PHIP: variants seen among roughly 807,000 people sequenced by gnomAD.
The protein encoded by PHIP is PHIP subunit of CUL4-Ring ligase complex, also known as PH-interacting protein.
PHIP carries 54 observed loss-of-function variants against 236.8 expected under a neutral mutation model. The ratio of observed to expected loss-of-function variants is 0.23; its 90% CI spans 0.18 to 0.29. The LOEUF (loss-of-function observed/expected upper bound fraction) is 0.29. Among genes scored for constraint, PHIP ranks in the 10% least tolerant of loss-of-function variants. PHIP has a pLI of 1.00. For synonymous variants in PHIP, 756 were observed against 718.9 expected (o/e 1.05, Z -0.83); for missense variants, 1,370 against 2,190.8 (o/e 0.63, Z 7.48).
intron 35 of PHIP, among the ~76,000 whole-genome samples, chr6:78,951,351 T>C (rs1252188461): frequency 6.6e-6 from 1 of 152,202 alleles, no homozygotes; most frequent in Non-Finnish European, 1.5e-5. Flanking sequence ...CGTTGTAGAA[T>C]ATTAAGCCCA....
intron 6 of PHIP, among the ~76,000 whole-genome samples, chr6:79,052,952 T>TAC (rs1772871874): frequency 6.6e-6 from 1 of 152,282 alleles, no homozygotes; most frequent in East Asian, 1.9e-4. Flanking sequence ...GGTACATGCA[T>TAC]ACATATACAC....
chr6:79,051,484 C>T (rs1237027985), intron 6 of PHIP, among the ~76,000 whole-genome samples: 1 of 152,168 alleles, frequency 6.6e-6, no homozygotes, highest in Non-Finnish European at 1.5e-5. Flanking sequence ...AATACTATAA[C>T]TAAAATAATC....
intron 15 of PHIP, among the ~76,000 whole-genome samples, chr6:79,005,889 G>A (rs1770264327): frequency 6.6e-6 from 1 of 151,926 alleles, no homozygotes; most frequent in African/African-American, 2.4e-5. Flanking sequence ...CACATTTACA[G>A]TTAGTAGATC....
At chr6:79,059,616 T>TATATATATATATATAA in intron 6 of PHIP, among the ~76,000 whole-genome samples, 1 of 119,014 alleles carries the variant, frequency 8.4e-6, no homozygotes, top group Non-Finnish European at 1.8e-5. Context: ...TATATATATA[T>TATATATATATATATAA]ATATATATAA....
At chr6:79,058,238 G>T (rs1773172872) in intron 6 of PHIP, among the ~76,000 whole-genome samples, 1 of 151,880 alleles carries the variant, frequency 6.6e-6, no homozygotes, top group South Asian at 2.1e-4. Flanking sequence ...TCTATGCTTG[G>T]ATGCAAAACC....
intron 15 of PHIP, among the ~76,000 whole-genome samples, chr6:79,010,437 G>T (rs1046848367): frequency 4.0e-5 from 6 of 151,426 alleles, no homozygotes; most frequent in Non-Finnish European, 7.4e-5. Flanking sequence ...AAGGTTAAGA[G>T]AACAATTATA....
At chr6:78,963,046 T>C (rs551711290) in intron 30 of PHIP, 51 bp downstream of exon 30, 1 of 1,494,398 alleles carries the variant, frequency 6.7e-7, no homozygotes, top group East Asian at 2.4e-5. Flanking sequence ...TATTTTTCCA[T>C]TACTTTGTGT....
At chr6:78,977,241 T>C (rs571211083) in intron 24 of PHIP, among the ~76,000 whole-genome samples, 101 of 150,836 alleles carry the variant, frequency 6.7e-4, no homozygotes, top group African/African-American at 2.2e-3. Context: ...ATGGATGAAA[T>C]TGGAAACCAT....
At chr6:79,009,588 C>T (rs1241103562) in intron 15 of PHIP, among the ~76,000 whole-genome samples, 19 of 152,030 alleles carry the variant, frequency 1.2e-4, no homozygotes, top group Admixed American at 1.2e-3. Context: ...AAGACCACGT[C>T]TTATTCTCCC....
Position 79,057,714 on chromosome 6 carries a change from T to C in PHIP, c.439+2764A>G, listed in dbSNP as rs78959955. Among the ~76,000 whole-genome samples, 1,337 of 152,096 alleles carry C rather than the reference T, an allele frequency of 8.8e-3. 21 individuals carry two copies. The highest frequency in any genetic ancestry group is 0.029 in the African/African-American group (1,210 of 41,502). ...CTTTTAAAGGTAGCCAGACAGAAAA[T>C]GGCAAAGACTCAACAAAAGAAGAAA... On this transcript the variant is annotated intron_variant, in intron 6 of 39. Transcript: ENST00000275034.
chr6:78,975,634 C>T (rs1202729129), intron 24 of PHIP, among the ~76,000 whole-genome samples: 3 of 152,172 alleles, frequency 2.0e-5, no homozygotes, highest in African/African-American at 4.8e-5. Flanking sequence ...CCCACTGTCT[C>T]AGCCCAAAAT....
intron 4 of PHIP, among the ~76,000 whole-genome samples, chr6:79,066,411 G>A (rs1481615525): frequency 6.6e-6 from 1 of 152,054 alleles, no homozygotes; most frequent in Non-Finnish European, 1.5e-5. Context: ...AAAAGATATT[G>A]AGACCTTCCC....
chr6:79,045,383 TGA>T (rs1772431396), intron 6 of PHIP, among the ~76,000 whole-genome samples: 1 of 152,178 alleles, frequency 6.6e-6, no homozygotes, highest in Non-Finnish European at 1.5e-5. Flanking sequence ...GATAGAAGGA[TGA>T]GCTAGGACTC....
At chr6:79,027,275 A>G (rs1771454496) in intron 7 of PHIP, among the ~76,000 whole-genome samples, 1 of 152,138 alleles carries the variant, frequency 6.6e-6, no homozygotes, top group South Asian at 2.1e-4. Flanking sequence ...TGATACCTAA[A>G]ACACCCCCCA....
At chr6:78,977,828 T>C (rs1768218271) in intron 24 of PHIP, among the ~76,000 whole-genome samples, 1 of 152,338 alleles carries the variant, frequency 6.6e-6, no homozygotes, top group African/African-American at 2.4e-5. Context: ...CAGACTGTTC[T>C]TTAGAATCAC....
chr6:79,077,347 G>T (rs1235429125), intron 4 of PHIP, 101 bp downstream of exon 4: 3 of 1,134,920 alleles, frequency 2.6e-6, no homozygotes, highest in East Asian at 5.4e-5. Context: ...GAGCTTTCAC[G>T]TTCTAGGGCC....
At chr6:78,974,738 C>G (rs1197861029) in intron 24 of PHIP, among the ~76,000 whole-genome samples, 7 of 152,116 alleles carry the variant, frequency 4.6e-5, no homozygotes, top group Middle Eastern at 3.4e-3. Context: ...GAGAATACTA[C>G]AAACACTTCT....
chr6:78,978,537 A>C, intron 24 of PHIP, 55 bp downstream of exon 24: 2 of 1,447,678 alleles, frequency 1.4e-6, no homozygotes, highest in Non-Finnish European at 1.9e-6. Context: ...AGAGCTGTTA[A>C]AAAATGTTTA....
At chr6:78,997,280 C>T in intron 19 of PHIP, 134 bp downstream of exon 19, 1 of 616,362 alleles carries the variant, frequency 1.6e-6, no homozygotes, top group Non-Finnish European at 2.9e-6. Context: ...TTTCTACAGT[C>T]ATGAATAGTT....
Sources: gnomAD v4.1 joint callset for allele counts (sites outside exome capture counted in the v4.1 genomes callset) on GRCh38, gnomAD v4.1.1 for gene constraint, MANE v1.5 for transcripts, NCBI Gene and HGNC (gene_info 2026-07-23, HGNC 2026-07-21) for gene names.